TRANK1: variants seen among roughly 807,000 people sequenced by gnomAD.
TRANK1 encodes tetratricopeptide repeat and ankyrin repeat containing 1, also known as TPR and ankyrin repeat-containing protein 1.
TRANK1 carries 198 observed loss-of-function variants against 266.0 expected under a neutral mutation model. That is an observed-to-expected ratio of 0.74 (90% CI 0.66 to 0.84). The LOEUF (loss-of-function observed/expected upper bound fraction) is 0.84, where lower values mean the gene tolerates loss of function less well. Among genes scored for constraint, TRANK1 ranks in the 40% least tolerant of loss-of-function variants. The pLI is 0.00. For missense variants in TRANK1, 3,326 were observed against 3,634.6 expected (o/e 0.92, Z 2.18); for synonymous variants, 1,396 against 1,384.1 (o/e 1.01, Z -0.19).
chr3:36,922,042 G>A (rs1301173078), intron 1 of TRANK1, among the ~76,000 whole-genome samples: 1 of 152,112 alleles, frequency 6.6e-6, no homozygotes, highest in Non-Finnish European at 1.5e-5. Flanking sequence ...AGCTATTTGG[G>A]AAACTGAGGC....
chr3:36,883,138 T>C (rs11918190), intron 8 of TRANK1, among the ~76,000 whole-genome samples: 49,517 of 151,550 alleles, frequency 0.33, 8,991 homozygotes, highest in East Asian at 0.56. Flanking sequence ...TTCCAGGACA[T>C]ACTCTCAGTG....
intron 8 of TRANK1, among the ~76,000 whole-genome samples, chr3:36,885,580 G>C (rs2079591091): frequency 6.6e-6 from 1 of 152,216 alleles, no homozygotes; most frequent in Admixed American, 6.5e-5. Context: ...CAACTGACTG[G>C]GCTGAATGCA....
chr3:36,827,982 C>G lies in TRANK1; in HGVS notation c.*293G>C. ...GGGGATGAGCCAGACACCCCAGGGA[C>G]CATGCAGTGAGGAGTCCCAACATTC... On this transcript the variant is annotated 3_prime_UTR_variant, in exon 24 of 24. Transcript: ENST00000645898. The G allele has an allele frequency of 2.9e-6, 1 of 342,554 alleles. No homozygotes were observed. Among genetic ancestry groups the G allele is most frequent in the Non-Finnish European group, 5.5e-6 (1 of 180,702 alleles). 21.2% of individuals were successfully genotyped at this position (342,554 alleles called of 1,614,324 possible).
intron 22 of TRANK1, among the ~76,000 whole-genome samples, chr3:36,829,902 C>T (rs1272504119): frequency 1.3e-5 from 2 of 152,188 alleles, no homozygotes; most frequent in African/African-American, 2.4e-5. Context: ...AACTGCAAAC[C>T]TTTCTAAGAC....
At chr3:36,887,561 C>T (rs1445827569) in intron 8 of TRANK1, among the ~76,000 whole-genome samples, 2 of 152,178 alleles carry the variant, frequency 1.3e-5, no homozygotes, top group Non-Finnish European at 2.9e-5. Context: ...ACCCATGGCC[C>T]ACACAAATTC....
At position 36,828,279 on chromosome 3, in the gene TRANK1, T is replaced by C; in HGVS notation, c.8906A>G (p.Tyr2969Cys). 1 of 1,610,106 alleles carries C rather than the reference T, an allele frequency of 6.2e-7. No individual in the cohort carries two copies. Among genetic ancestry groups the C allele is most frequent in the Non-Finnish European group, 8.5e-7 (1 of 1,177,828 alleles). ...GAGGCTGCAGCTGTGTGGACATTAG[T>C]ATTTTCTCTGCTTTCCACATTTCCG... ...RSRKCGKQRK[Y>C] is the part of the protein sequence containing the mutation. Residue 2969 changes from tyrosine to cysteine, a missense_variant, in exon 24 of 24, where the codon TAC becomes TGC. Transcript: ENST00000645898.
intron 9 of TRANK1, among the ~76,000 whole-genome samples, chr3:36,872,376 T>C (rs1455689357): frequency 1.3e-5 from 2 of 152,112 alleles, no homozygotes; most frequent in Non-Finnish European, 2.9e-5. Context: ...CACCCCAGTC[T>C]GGGCAACAGA....
chr3:36,932,549 C>A (rs1380259329), intron 1 of TRANK1, among the ~76,000 whole-genome samples: 1 of 152,242 alleles, frequency 6.6e-6, no homozygotes, highest in African/African-American at 2.4e-5. Flanking sequence ...GGCAACAGAG[C>A]GAAACTCCAA....
At chr3:36,889,778 G>A in intron 8 of TRANK1, 51 bp downstream of exon 8, 2 of 1,493,104 alleles carry the variant, frequency 1.3e-6, no homozygotes, top group African/African-American at 2.8e-5. Context: ...GGTCCTCAAA[G>A]CCTGACACCA....
intron 8 of TRANK1, among the ~76,000 whole-genome samples, chr3:36,878,466 C>T (rs1199667708): frequency 2.0e-5 from 3 of 152,120 alleles, no homozygotes; most frequent in African/African-American, 4.8e-5. Context: ...CCGTGAGCAA[C>T]GTCTTAGATA....
At chr3:36,895,985 T>G (rs2079784379) in intron 4 of TRANK1, among the ~76,000 whole-genome samples, 1 of 152,220 alleles carries the variant, frequency 6.6e-6, no homozygotes, top group Non-Finnish European at 1.5e-5. Context: ...ATAATTAACA[T>G]TCGCTTTGCC....
intron 5 of TRANK1, 43 bp downstream of exon 5, chr3:36,895,597 C>T: frequency 8.3e-7 from 1 of 1,203,676 alleles, no homozygotes. Flanking sequence ...ATCATTTCAT[C>T]AAGAATGTAC....
intron 9 of TRANK1, among the ~76,000 whole-genome samples, chr3:36,872,258 G>A (rs947086961): frequency 2.0e-5 from 3 of 152,144 alleles, no homozygotes; most frequent in African/African-American, 4.8e-5. Context: ...AAAAGTAGCC[G>A]AGTGTGGTGG....
chr3:36,828,498 G>T, intron 23 of TRANK1, 123 bp from the exon 24 acceptor site: 1 of 697,896 alleles, frequency 1.4e-6, no homozygotes, highest in Admixed American at 2.6e-5. Context: ...AGGAAGGGCA[G>T]AATGGTGATT....
Position 36,831,499 on chromosome 3 carries a change from T to A in TRANK1, c.8084A>T (p.Asp2695Val). The change falls in exon 22 of 24, where the codon GAT becomes GTT. Residue 2695 changes from aspartate to valine, a missense_variant. Physicochemically the swap from Asp to Val is radical, Grantham distance 152. Transcript: ENST00000645898. This position sits in a 1 kb window ranked among gnomAD's most constrained non-coding sequence, Gnocchi z 5.0. ...GTCTCGGTCTTCTAATGCCAGTTCA[T>A]CCATCTCATCCTGGCCAAACTCACA... ...PECEFGQDEM[D>V]ELALEDRDHV... The A allele has an allele frequency of 2.5e-6, 4 of 1,613,294 alleles. No homozygotes were observed. The highest frequency in any genetic ancestry group is 3.4e-6 in the Non-Finnish European group (4 of 1,179,618).
intron 13 of TRANK1, among the ~76,000 whole-genome samples, chr3:36,854,367 CA>C (rs113295260): frequency 2.8e-5 from 4 of 142,930 alleles, no homozygotes; most frequent in Admixed American, 6.9e-5. Context: ...CTGAAAAAAA[CA>C]AAAAAAAAAG....
At chr3:36,907,459 A>ATTTTT (rs1212991729) in intron 2 of TRANK1, among the ~76,000 whole-genome samples, 11 of 104,344 alleles carry the variant, frequency 1.1e-4, no homozygotes, top group Non-Finnish European at 1.5e-4. Context: ...AAATTTATTG[A>ATTTTT]TTTTTTTTTT....
Position 36,903,291 on chromosome 3 carries a change from G to A in TRANK1, c.156-16C>T, listed in dbSNP as rs1439128128. Reference sequence around the variant, plus strand: ...CGGGGGAACCCTGTAAGAACAAACCGGTGGTCTGTCATGGTTCTGCAAATA... The same window carrying A: ...CGGGGGAACCCTGTAAGAACAAACCAGTGGTCTGTCATGGTTCTGCAAATA... On this transcript the variant is annotated splice_polypyrimidine_tract_variant and intron_variant, in intron 2 of 23. Coordinates refer to ENST00000645898, the MANE Select transcript of TRANK1 (RefSeq NM_001329998.2). The A allele has an allele frequency of 3.6e-5, 55 of 1,535,638 alleles. No individual in the cohort carries two copies. The highest frequency in any genetic ancestry group is 4.4e-5 in the Non-Finnish European group (50 of 1,145,862).
chr3:36,888,602 C>T (rs1011366091), intron 8 of TRANK1, among the ~76,000 whole-genome samples: 1 of 152,202 alleles, frequency 6.6e-6, no homozygotes, highest in Non-Finnish European at 1.5e-5. Flanking sequence ...CCTCGCTGGG[C>T]TCCTCCTGAG....
Sources: allele counts gnomAD v4.1 joint callset (sites outside exome capture counted in the v4.1 genomes callset), GRCh38; gene constraint gnomAD v4.1.1; non-coding constraint Gnocchi (gnomAD v3.1); transcripts MANE v1.5; gene names NCBI Gene and HGNC (gene_info 2026-07-23, HGNC 2026-07-21).